TRIM5: variants seen among roughly 807,000 people sequenced by gnomAD.
TRIM5 encodes tripartite motif-containing protein 5.
In TRIM5, 31 loss-of-function variants were observed where a neutral mutation model predicts 35.6. The observed-to-expected ratio is 0.87, with a 90% CI of 0.65 to 1.18. The LOEUF is 1.18. TRIM5 is among the 50% of genes most tolerant of loss of function. The probability of loss-of-function intolerance (pLI) is 0.00; values close to 1 mark genes in which losing one functional copy is unlikely to be tolerated. For synonymous variants in TRIM5, 243 were observed against 215.6 expected, an observed-to-expected ratio of 1.13 and a Z score of -1.11; for missense variants, 609 against 591.6, an observed-to-expected ratio of 1.03 and a Z score of -0.31.
the TRIM5 span, among the ~76,000 whole-genome samples, chr11:5,602,028 A>G: frequency 6.6e-6 from 1 of 152,160 alleles, no homozygotes; most frequent in Non-Finnish European, 1.5e-5. Context: ...GAGGACCTAT[A>G]TGTCAGGCTC....
Position 5,667,669 on chromosome 11 carries a change from C to T in TRIM5, c.767+20G>A. On this transcript the variant is annotated intron_variant, in intron 5 of 7. Coordinates refer to ENST00000380034, the MANE Select transcript of TRIM5 (RefSeq NM_033034.3). Reference sequence around the variant, plus strand: ...TCTCCTCACTGCACAAAAGGACCATCTCTGTCCTCCCACACATACCTTTTT... The same window carrying T: ...TCTCCTCACTGCACAAAAGGACCATTTCTGTCCTCCCACACATACCTTTTT... 6.2e-7 allele frequency: 1 copy of T among 1,613,168 alleles called. No individual in the cohort carries two copies. Among genetic ancestry groups the T allele is most frequent in the Non-Finnish European group, 8.5e-7 (1 of 1,179,546 alleles).
chr11:5,645,340 T>C, the TRIM5 span, among the ~76,000 whole-genome samples: 85,548 of 148,132 alleles, frequency 0.58, 24,703 homozygotes, highest in Admixed American at 0.6. Context: ...TGCAGTGAGC[T>C]GAGATTGCAC....
chr11:5,663,887 T>C lies in TRIM5; in HGVS notation c.*922A>G, dbSNP rs1850931425. 6.5e-6 allele frequency: 1 copy of C among 153,178 alleles called. No homozygotes were observed. Among genetic ancestry groups the C allele is most frequent in the African/African-American group, 2.4e-5 (1 of 41,482 alleles). 9.5% of individuals were successfully genotyped at this position (153,178 alleles called of 1,614,324 possible). On this transcript the variant is annotated 3_prime_UTR_variant, in exon 8 of 8. Transcript: ENST00000380034. ...TAGCACTTATTTAATGTGAAGTTTT[T>C]AATACAAAAATTATTTTAAGAAAAT...
chr11:5,627,213 C>T, the TRIM5 span, among the ~76,000 whole-genome samples: 2 of 151,808 alleles, frequency 1.3e-5, no homozygotes, highest in African/African-American at 4.8e-5. Flanking sequence ...GAAACTCTCT[C>T]TACTAAAAAT....
chr11:5,653,835 CTTTAT>C, the TRIM5 span, among the ~76,000 whole-genome samples: 2 of 151,972 alleles, frequency 1.3e-5, no homozygotes, highest in Middle Eastern at 3.4e-3. Flanking sequence ...TGTAGTCTTT[CTTTAT>C]TTTTAGTATT....
chr11:5,599,937 A>G, the TRIM5 span, among the ~76,000 whole-genome samples: 1 of 152,050 alleles, frequency 6.6e-6, no homozygotes, highest in African/African-American at 2.4e-5. Context: ...ATCAAAGGCA[A>G]TAGAGCCTTA....
At chr11:5,637,255 TTC>T in the TRIM5 span, among the ~76,000 whole-genome samples, 1 of 152,186 alleles carries the variant, frequency 6.6e-6, no homozygotes, top group Admixed American at 6.5e-5. Flanking sequence ...ACAGCTTTCT[TTC>T]TATATGGATT....
chr11:5,666,764 G>A (rs1221561648), intron 5 of TRIM5, among the ~76,000 whole-genome samples: 3 of 152,228 alleles, frequency 2.0e-5, no homozygotes, highest in Non-Finnish European at 4.4e-5. Flanking sequence ...TGCGATTTTA[G>A]ACACAAGAAT....
the TRIM5 span, among the ~76,000 whole-genome samples, chr11:5,618,904 T>G: frequency 6.6e-6 from 1 of 152,216 alleles, no homozygotes. Flanking sequence ...CGTGACTTAT[T>G]TGGGAAACAT....
rs1852152461 is a variant in TRIM5 at position 5,678,296 on chromosome 11, CA to C, written c.651del (p.Glu218LysfsTer11). On this transcript the variant is annotated frameshift_variant, in exon 4 of 8. Transcript: ENST00000380034. LOFTEE classifies it high-confidence loss of function. ...EEDILKSLTN[S>X]ETEMVQQTQS... is the part of the protein sequence containing the mutation. ...TGGGTCTGCTGCACCATCTCAGTTT[CA>C]GAGTTCGTAAGGCTTTTCAGAATGT... The C allele has an allele frequency of 6.2e-7, 1 of 1,614,172 alleles. No homozygotes were observed. Among genetic ancestry groups the C allele is most frequent in the South Asian group, 1.1e-5 (1 of 91,084 alleles).
the TRIM5 span, chr11:5,608,452 C>T: frequency 1.2e-6 from 2 of 1,604,786 alleles, no homozygotes; most frequent in South Asian, 1.1e-5. Context: ...TTCCTTTACC[C>T]ATGATCAGTG....
At chr11:5,665,861 G>A (rs972223648) in intron 6 of TRIM5, 120 bp downstream of exon 6, 2 of 1,312,452 alleles carry the variant, frequency 1.5e-6, no homozygotes, top group African/African-American at 3.0e-5. Context: ...ATCAGCAGCA[G>A]ACAATATCTA....
At chr11:5,631,022 T>C in the TRIM5 span, among the ~76,000 whole-genome samples, 3 of 152,378 alleles carry the variant, frequency 2.0e-5, no homozygotes, top group South Asian at 6.2e-4. Context: ...TCTCCCTTTA[T>C]GTATTGGGAC....
the TRIM5 span, among the ~76,000 whole-genome samples, chr11:5,640,841 C>A: frequency 6.6e-6 from 1 of 152,112 alleles, no homozygotes; most frequent in Non-Finnish European, 1.5e-5. Context: ...TAGGCCTATT[C>A]ATATTTTCTA....
chr11:5,621,543 G>A, the TRIM5 span, among the ~76,000 whole-genome samples: 5 of 152,190 alleles, frequency 3.3e-5, no homozygotes, highest in South Asian at 2.1e-4. Flanking sequence ...TGAGAGTGAG[G>A]CACCAGAAGA....
At chr11:5,641,268 T>C in the TRIM5 span, 13 of 1,603,582 alleles carry the variant, frequency 8.1e-6, no homozygotes, top group Admixed American at 6.8e-5. Flanking sequence ...TGGTGGTCAA[T>C]TGGAATAAAA....
In TRIM5 at chr11:5,663,517, A is replaced by C; in HGVS notation, c.*1292T>G. 1.0e-6 allele frequency: 1 copy of C among 984,416 alleles called. No homozygotes were observed. Among genetic ancestry groups the C allele is most frequent in the South Asian group, 4.7e-5 (1 of 21,272 alleles). The allele number at this position is 984,416 out of a possible 1,614,324, so 61.0% of individuals were successfully genotyped here. ...ATTAACAGAGTTTATGTTTTTCAAT[A>C]ATTTGTAGAACAAGTACTTATTAGA... On this transcript the variant is annotated 3_prime_UTR_variant, in exon 8 of 8. Coordinates refer to ENST00000380034, the MANE Select transcript of TRIM5 (RefSeq NM_033034.3).
chr11:5,645,946 A>C, the TRIM5 span: 1 of 160,790 alleles, frequency 6.2e-6, no homozygotes, highest in Non-Finnish European at 1.3e-5. Context: ...AAACATGTAT[A>C]TTAAATGTAT....
At chr11:5,657,966 G>C in the TRIM5 span, among the ~76,000 whole-genome samples, 1 of 151,846 alleles carries the variant, frequency 6.6e-6, no homozygotes, top group East Asian at 1.9e-4. Context: ...CAGAATGACA[G>C]CTGCTAATTA....
Sources: gnomAD v4.1 joint callset for allele counts (sites outside exome capture counted in the v4.1 genomes callset) on GRCh38, gnomAD v4.1.1 for gene constraint, MANE v1.5 for transcripts, NCBI Gene and HGNC (gene_info 2026-07-23, HGNC 2026-07-21) for gene names.